Variants in ADAMTS2 observed in about 807,000 individuals in gnomAD.
The protein encoded by ADAMTS2 is A disintegrin and metalloproteinase with thrombospondin motifs 2.
In ADAMTS2, 50 loss-of-function variants were observed where a neutral mutation model predicts 123.0. That is an observed-to-expected ratio of 0.41 (90% CI 0.32 to 0.51). The LOEUF (loss-of-function observed/expected upper bound fraction) is 0.51. Among genes scored for constraint, ADAMTS2 ranks in the 20% least tolerant of loss-of-function variants. The pLI, the probability that ADAMTS2 is intolerant of heterozygous loss-of-function variation, is 0.35. For missense variants in ADAMTS2, 1,494 were observed against 1,705.2 expected (o/e 0.88, Z 2.18); for synonymous variants, 678 against 695.4 (o/e 0.98, Z 0.39).
intron 2 of ADAMTS2, among the ~76,000 whole-genome samples, chr5:179,319,003 T>C (rs1757080664): frequency 6.6e-6 from 1 of 152,200 alleles, no homozygotes; most frequent in African/African-American, 2.4e-5. Context: ...CAGCTGAAGA[T>C]TTCACACAGC....
rs11746802 is a variant in ADAMTS2 at position 179,238,184 on chromosome 5, C to A, written c.689-30469G>T. The stretch of plus-strand genomic sequence containing the variant: ...CTCCTGAGCTTGAAGGAAGCCACAG[C>A]GGAACTTGGAGCTGCTCTAGTTCTC... On this transcript the variant is annotated intron_variant, in intron 3 of 21. Transcript: ENST00000251582. 5.9e-5 allele frequency among the ~76,000 whole-genome samples: 9 copies of A among 152,142 alleles called. No homozygotes were observed. In the South Asian group the frequency reaches 1.0e-3, roughly 18 times the overall value.
intron 9 of ADAMTS2, among the ~76,000 whole-genome samples, chr5:179,153,203 G>A (rs1763396132): frequency 6.6e-6 from 1 of 152,098 alleles, no homozygotes; most frequent in Non-Finnish European, 1.5e-5. Flanking sequence ...TTCTTCCTTG[G>A]GAGCCCTCCT....
intron 2 of ADAMTS2, among the ~76,000 whole-genome samples, chr5:179,309,340 C>T (rs1756758590): frequency 6.6e-6 from 1 of 152,148 alleles, no homozygotes; most frequent in South Asian, 2.1e-4. Flanking sequence ...CACAGGATGT[C>T]CCCCCAAAGC....
At position 179,155,977 on chromosome 5, in the gene ADAMTS2, G is replaced by A. The variant is rs138237021; in HGVS notation, c.1133-1058C>T. ...CGTGATCTAACCCTTGTCTTTTCCC[G>A]TTGTAATAAACAGGAAAATCTGCAT... On this transcript the variant is annotated intron_variant, in intron 6 of 21. Transcript: ENST00000251582. This position sits in a 1 kb window ranked among gnomAD's most constrained non-coding sequence, Gnocchi z 5.1. Among the ~76,000 whole-genome samples the A allele has an allele frequency of 5.2e-4, 79 of 152,192 alleles. No individual in the cohort carries two copies. The highest frequency in any genetic ancestry group is 2.2e-3 in the Admixed American group (33 of 15,282).
intron 2 of ADAMTS2, among the ~76,000 whole-genome samples, chr5:179,313,995 G>T (rs1005405196): frequency 6.6e-6 from 1 of 151,878 alleles, no homozygotes; most frequent in African/African-American, 2.4e-5. Flanking sequence ...GACAGAGGAG[G>T]GCCTGGCCGG....
At chr5:179,195,584 G>C (rs1173335754) in intron 4 of ADAMTS2, among the ~76,000 whole-genome samples, 1 of 152,204 alleles carries the variant, frequency 6.6e-6, no homozygotes, top group African/African-American at 2.4e-5. Context: ...GTGGAACCAC[G>C]AGGAGCTCTG....
chr5:179,295,355 A>G (rs6874467), intron 2 of ADAMTS2, among the ~76,000 whole-genome samples: 121,507 of 152,116 alleles, frequency 0.8, 51,038 homozygotes, highest in Non-Finnish European at 0.93. Flanking sequence ...CCGACAGGAA[A>G]CCAGGGCTGG....
chr5:179,166,248 G>A (rs549041861), intron 5 of ADAMTS2, among the ~76,000 whole-genome samples: 9 of 152,172 alleles, frequency 5.9e-5, no homozygotes, highest in East Asian at 3.9e-4. Context: ...CAGCAGCACC[G>A]GGAGCCTGGT....
intron 3 of ADAMTS2, among the ~76,000 whole-genome samples, chr5:179,258,603 C>T (rs1561645622): frequency 6.6e-6 from 1 of 152,212 alleles, no homozygotes; most frequent in Admixed American, 6.5e-5. Context: ...GGCAGCATTG[C>T]TCGCAGCTAG....
rs1763422298 is a variant in ADAMTS2 at position 179,154,192 on chromosome 5, C to T, written c.1239G>A (p.Val413=). 6.4e-7 allele frequency: 1 copy of T among 1,551,162 alleles called. No homozygotes were observed. ...CCTGCCCGTCGTGCTCCATGCCCAGCCTGCGAGGGCCGAGGCAGCTGGCTG... is the reference window on the plus strand; with the variant it reads ...CCTGCCCGTCGTGCTCCATGCCCAGTCTGCGAGGGCCGAGGCAGCTGGCTG... ...AFVVAHETGH[V]LGMEHDGQGN... is the part of the protein sequence containing the mutation. Residue 413 remains valine, a splice_region_variant and synonymous_variant, in exon 8 of 22, where the codon GTG becomes GTA. Coordinates refer to ENST00000251582, the MANE Select transcript of ADAMTS2 (RefSeq NM_014244.5).
chr5:179,289,568 G>A (rs6881016), intron 2 of ADAMTS2, among the ~76,000 whole-genome samples: 45,192 of 151,974 alleles, frequency 0.3, 7,811 homozygotes, highest in Non-Finnish European at 0.38. Flanking sequence ...AGCTACCCAC[G>A]GGAGATTTAA....
chr5:179,214,384 A>G (rs944285106), intron 3 of ADAMTS2, among the ~76,000 whole-genome samples: 5 of 152,274 alleles, frequency 3.3e-5, no homozygotes, highest in African/African-American at 1.2e-4. Flanking sequence ...CCTAGACTAA[A>G]TAGAAAATAT....
intron 2 of ADAMTS2, among the ~76,000 whole-genome samples, chr5:179,294,960 C>T (rs941913870): frequency 6.6e-6 from 1 of 152,202 alleles, no homozygotes. Flanking sequence ...GCCCTCCTGT[C>T]GCTCTCAACT....
intron 2 of ADAMTS2, among the ~76,000 whole-genome samples, chr5:179,325,502 G>A (rs1171095676): frequency 1.3e-5 from 2 of 152,248 alleles, no homozygotes; most frequent in Non-Finnish European, 2.9e-5. Context: ...CAGAGGGTCA[G>A]AGGACAGACG....
At position 179,310,208 on chromosome 5, in the gene ADAMTS2, G is replaced by A. The variant is rs528040678; in HGVS notation, c.534+33559C>T. On this transcript the variant is annotated intron_variant, in intron 2 of 21. Transcript: ENST00000251582. ...GAGATGCTCTGCTGTCTGCTGTGGG[G>A]GCCTGTGGACGGCCCTCCTCCCCCA... 1.8e-3 allele frequency among the ~76,000 whole-genome samples: 270 copies of A among 152,370 alleles called. 1 individual carries two copies. Among genetic ancestry groups the A allele is most frequent in the African/African-American group, 6.2e-3 (257 of 41,600 alleles).
chr5:179,171,861 C>T (rs10079445), intron 5 of ADAMTS2, among the ~76,000 whole-genome samples: 7,554 of 152,202 alleles, frequency 0.05, 188 homozygotes, highest in African/African-American at 0.063. Flanking sequence ...ACAGAGGGAC[C>T]GGCTGTGTGT....
chr5:179,116,945 G>A lies in ADAMTS2; in HGVS notation c.3179-2621C>T, dbSNP rs116333242. On this transcript the variant is annotated intron_variant, in intron 21 of 21. Transcript: ENST00000251582. ...CACAGTGCCAAGGAGGAAGGGGGAG[G>A]GCCTGGTACCCAGGGGAGATGCCAG... Among the ~76,000 whole-genome samples the A allele has an allele frequency of 8.3e-3, 1,271 of 152,252 alleles. 14 individuals carry two copies. Among genetic ancestry groups the A allele is most frequent in the African/African-American group, 0.029 (1,204 of 41,536 alleles).
chr5:179,125,163 C>T lies in ADAMTS2; in HGVS notation c.2768G>A (p.Trp923Ter), dbSNP rs1160288604. 6.2e-7 allele frequency: 1 copy of T among 1,612,618 alleles called. No homozygotes were observed. Among genetic ancestry groups the T allele is most frequent in the East Asian group, 2.2e-5 (1 of 44,892 alleles). Residue 923 changes from tryptophan to a stop codon, truncating the protein, a stop_gained, in exon 19 of 22, where the codon TGG (tryptophan) becomes TAG (stop). Transcript: ENST00000251582. LOFTEE classifies it high-confidence loss of function. ...CCCACAGGTCTGGCTACATGGCTCC[C>T]ATTCGCCTGTGACCCACCTGCCAGG... is the stretch of plus-strand genomic sequence containing the variant. ...CSQPVWVTGE[W>*]EPCSQTCGRT...
At chr5:179,258,836 G>A (rs115113509) in intron 3 of ADAMTS2, among the ~76,000 whole-genome samples, 63 of 152,210 alleles carry the variant, frequency 4.1e-4, no homozygotes, top group African/African-American at 1.5e-3. Flanking sequence ...ATTTGGAATG[G>A]GAATACGGTT....
Sources: allele counts gnomAD v4.1 joint callset (sites outside exome capture counted in the v4.1 genomes callset), GRCh38; gene constraint gnomAD v4.1.1; non-coding constraint Gnocchi (gnomAD v3.1); transcripts MANE v1.5; gene names NCBI Gene and HGNC (gene_info 2026-07-23, HGNC 2026-07-21).